SORCS1: variants seen among roughly 807,000 people sequenced by gnomAD.
The protein encoded by SORCS1 is sortilin related VPS10 domain containing receptor 1, also known as VPS10 domain-containing receptor SorCS1.
Under a neutral mutation model 146.1 loss-of-function variants are expected in SORCS1, and 60 were observed. That is an observed-to-expected ratio of 0.41 (90% CI 0.33 to 0.51). The LOEUF (loss-of-function observed/expected upper bound fraction) is 0.51, where lower values mean the gene tolerates loss of function less well. Among genes scored for constraint, SORCS1 ranks in the 20% least tolerant of loss-of-function variants. The pLI is 0.21. For missense variants in SORCS1, 1,352 were observed against 1,487.6 expected, an observed-to-expected ratio of 0.91 and a Z score of 1.50; for synonymous variants, 637 against 584.0, an observed-to-expected ratio of 1.09 and a Z score of -1.31.
intron 3 of SORCS1, among the ~76,000 whole-genome samples, chr10:106,828,198 C>A (rs182463332): frequency 2.6e-5 from 4 of 152,214 alleles, no homozygotes; most frequent in Admixed American, 2.6e-4. Context: ...ATAGGTTTAG[C>A]TGGGTTTTCT....
chr10:107,027,477 G>C (rs1432141446), intron 1 of SORCS1, among the ~76,000 whole-genome samples: 6 of 152,292 alleles, frequency 3.9e-5, no homozygotes. Context: ...AACTCAGCGT[G>C]GCAGCGTGAC....
At position 106,993,687 on chromosome 10, in the gene SORCS1, G is replaced by GA. The variant is rs947711717; in HGVS notation, c.559-37108dup. On this transcript the variant is annotated intron_variant, in intron 1 of 25. Transcript: ENST00000263054. ...ACTTTGTTTGAATGTATACATGAGGGAAAAAAAATATTCTTTTAAAAGTTG... is the reference window on the plus strand; with the variant it reads ...ACTTTGTTTGAATGTATACATGAGGGAAAAAAAAATATTCTTTTAAAAGTTG... 4.0e-5 allele frequency among the ~76,000 whole-genome samples: 6 copies of GA among 151,730 alleles called. No homozygotes were observed. The South Asian group carries it at 6.2e-4, about 16-fold the overall frequency.
chr10:106,593,000 G>T (rs1406292031), intron 24 of SORCS1, among the ~76,000 whole-genome samples: 2 of 151,790 alleles, frequency 1.3e-5, no homozygotes, highest in African/African-American at 4.8e-5. Context: ...ACTTAGCCGG[G>T]CATGGTGGCA....
chr10:106,580,402 C>T (rs560368078), intron 24 of SORCS1, among the ~76,000 whole-genome samples: 63 of 152,276 alleles, frequency 4.1e-4, no homozygotes, highest in Non-Finnish European at 7.8e-4. Context: ...AAACACTTCT[C>T]GCCACCTCTC....
intron 1 of SORCS1, among the ~76,000 whole-genome samples, chr10:107,008,638 A>G (rs751843373): frequency 9.2e-5 from 14 of 152,340 alleles, no homozygotes; most frequent in Non-Finnish European, 2.1e-4. Flanking sequence ...TACATTCTGC[A>G]TACTGGATAA....
chr10:106,894,300 TG>T (rs1951375092), intron 2 of SORCS1, among the ~76,000 whole-genome samples: 1 of 148,338 alleles, frequency 6.7e-6, no homozygotes, highest in African/African-American at 2.5e-5. Flanking sequence ...TGTGTGTGTG[TG>T]TGTGTGTAGG....
At chr10:106,997,930 G>C (rs1360006693) in intron 1 of SORCS1, among the ~76,000 whole-genome samples, 2 of 152,182 alleles carry the variant, frequency 1.3e-5, no homozygotes, top group Non-Finnish European at 2.9e-5. Flanking sequence ...GGAGAGGAAA[G>C]AGGAAGGACT....
intron 21 of SORCS1, among the ~76,000 whole-genome samples, chr10:106,615,537 G>A (rs1022849976): frequency 6.6e-6 from 1 of 152,130 alleles, no homozygotes; most frequent in Non-Finnish European, 1.5e-5. Context: ...CATGGAACCA[G>A]GTGTGGTTAC....
At chr10:106,898,450 TA>T (rs1951571430) in intron 2 of SORCS1, among the ~76,000 whole-genome samples, 1 of 152,214 alleles carries the variant, frequency 6.6e-6, no homozygotes, top group African/African-American at 2.4e-5. Flanking sequence ...ACCTGTGTCA[TA>T]ATCTTCTTCC....
intron 2 of SORCS1, among the ~76,000 whole-genome samples, chr10:106,951,082 ATCTG>A (rs1954651551): frequency 6.6e-6 from 1 of 152,160 alleles, no homozygotes; most frequent in African/African-American, 2.4e-5. Context: ...TTTACATTAT[ATCTG>A]TCTTATTCTG....
intron 19 of SORCS1, 124 bp from the exon 20 acceptor site, chr10:106,620,685 A>T (rs1847684393): frequency 8.2e-7 from 1 of 1,217,690 alleles, no homozygotes; most frequent in Non-Finnish European, 1.1e-6. Flanking sequence ...ATATTCCCCA[A>T]AAGAAGTGTT....
intron 1 of SORCS1, among the ~76,000 whole-genome samples, chr10:107,143,067 G>A (rs1044563303): frequency 6.6e-6 from 1 of 152,150 alleles, no homozygotes; most frequent in African/African-American, 2.4e-5. Flanking sequence ...CACTGGCCCT[G>A]CCCTCTATAG....
chr10:107,031,035 T>C (rs1392520023), intron 1 of SORCS1, among the ~76,000 whole-genome samples: 3 of 152,216 alleles, frequency 2.0e-5, no homozygotes, highest in African/African-American at 7.2e-5. Flanking sequence ...TCTCAAGCTG[T>C]TCTTTTCTCA....
intron 5 of SORCS1, among the ~76,000 whole-genome samples, chr10:106,743,163 G>T (rs897974383): frequency 6.6e-6 from 1 of 152,118 alleles, no homozygotes; most frequent in African/African-American, 2.4e-5. Context: ...AGAGAGAAGT[G>T]GAGGAGGGAA....
rs5787690 is a variant in SORCS1 at position 106,836,004 on chromosome 10, T to TAAA, written c.627-6334_627-6332dup. Among the ~76,000 whole-genome samples the TAAA allele has an allele frequency of 4.2e-5, 6 of 143,716 alleles. No homozygotes were observed. In the East Asian group the frequency reaches 8.3e-4, roughly 20 times the overall value. 94.3% of individuals were successfully genotyped at this position (143,716 alleles called of 152,430 possible). A position where few individuals can be genotyped will look rare whatever the true frequency, so the allele number is the denominator to read the frequency against. ...TGGGCAACAGGAGCGAGACTGCGTC[T>TAAA]AAAAAAAAAAAAAAATCCTAACAGA... On this transcript the variant is annotated intron_variant, in intron 2 of 25. Coordinates refer to ENST00000263054, the MANE Select transcript of SORCS1 (RefSeq NM_052918.5).
rs1430075046 is a variant in SORCS1, at chr10:106,818,724, A to C, written c.726+10850T>G. Reference sequence around the variant, plus strand: ...ACATGTTTTACGAGTCTAAATAGACACTCTTAATCATTTAAATCTGAAAAC... The same window carrying C: ...ACATGTTTTACGAGTCTAAATAGACCCTCTTAATCATTTAAATCTGAAAAC... On this transcript the variant is annotated intron_variant, in intron 3 of 25. Transcript: ENST00000263054. Among the ~76,000 whole-genome samples, 3 of 152,134 alleles carry C rather than the reference A, an allele frequency of 2.0e-5. No individual in the cohort carries two copies. The South Asian group carries it at 6.2e-4, about 32-fold the overall frequency.
At chr10:106,833,097 A>G (rs2137043683) in intron 2 of SORCS1, among the ~76,000 whole-genome samples, 1 of 152,318 alleles carries the variant, frequency 6.6e-6, no homozygotes, top group Middle Eastern at 3.4e-3. Flanking sequence ...GATTTACATT[A>G]GCAACATTTT....
intron 10 of SORCS1, 49 bp from the exon 11 acceptor site, chr10:106,679,783 C>T: frequency 1.4e-6 from 2 of 1,402,626 alleles, no homozygotes; most frequent in Non-Finnish European, 2.0e-6. Flanking sequence ...TCAAAATGGT[C>T]ATTTGAAGCT....
In SORCS1 at chr10:106,685,342, T is replaced by C. The variant is rs536924707; in HGVS notation, c.1560+2850A>G. 9.1e-4 allele frequency among the ~76,000 whole-genome samples: 138 copies of C among 151,880 alleles called. 3 individuals carry two copies. The South Asian group carries it at 0.018, about 20-fold the overall frequency. Reference sequence around the variant, plus strand: ...GATTCCTGGAGTTGATTCTTTGGAGTGGTCAAAAACACAGGCACCGTCCCT... The same window carrying C: ...GATTCCTGGAGTTGATTCTTTGGAGCGGTCAAAAACACAGGCACCGTCCCT... On this transcript the variant is annotated intron_variant, in intron 10 of 25. Transcript: ENST00000263054.
Sources: allele counts gnomAD v4.1 joint callset (sites outside exome capture counted in the v4.1 genomes callset), GRCh38; gene constraint gnomAD v4.1.1; transcripts MANE v1.5; gene names NCBI Gene and HGNC (gene_info 2026-07-23, HGNC 2026-07-21).